USH2A: variants seen among roughly 807,000 people sequenced by gnomAD.
The protein encoded by USH2A is usherin.
In USH2A, 443 loss-of-function variants were observed where a neutral mutation model predicts 538.9. The observed-to-expected ratio is 0.82, with a 90% CI of 0.76 to 0.89. The LOEUF (loss-of-function observed/expected upper bound fraction) is 0.89, where lower values mean the gene tolerates loss of function less well. Among genes scored for constraint, USH2A ranks in the 40% least tolerant of loss-of-function variants. The pLI is 0.00. For synonymous variants in USH2A, 2,413 were observed against 2,273.5 expected (o/e 1.06, Z -1.75); for missense variants, 6,633 against 6,324.8 (o/e 1.05, Z -1.65).
intron 21 of USH2A, among the ~76,000 whole-genome samples, chr1:216,122,633 G>T (rs1200790959): frequency 2.0e-5 from 3 of 152,184 alleles, no homozygotes; most frequent in Non-Finnish European, 4.4e-5. Flanking sequence ...TTGGGAAGGT[G>T]CTAGGAGGCT....
intron 30 of USH2A, among the ~76,000 whole-genome samples, chr1:216,069,100 T>C (rs921309671): frequency 6.6e-6 from 1 of 151,976 alleles, no homozygotes; most frequent in Non-Finnish European, 1.5e-5. Context: ...CATCTGAAAG[T>C]GGGGTTGAGC....
At chr1:215,721,394 A>C (rs1659657032) in intron 61 of USH2A, among the ~76,000 whole-genome samples, 2 of 152,088 alleles carry the variant, frequency 1.3e-5, no homozygotes, top group Admixed American at 1.3e-4. Context: ...GTTTTTAAAA[A>C]ACACTTGGAA....
intron 9 of USH2A, among the ~76,000 whole-genome samples, chr1:216,319,049 A>G (rs11801737): frequency 0.27 from 41,581 of 152,076 alleles, 5,929 homozygotes; most frequent in Middle Eastern, 0.38. Flanking sequence ...AAGCTCAGAA[A>G]AGAACATATC....
chr1:215,924,341 T>C (rs562031616), intron 38 of USH2A, among the ~76,000 whole-genome samples: 1 of 152,206 alleles, frequency 6.6e-6, no homozygotes, highest in Admixed American at 6.6e-5. Context: ...AGGGATTTTC[T>C]TGATGCTGCT....
intron 37 of USH2A, among the ~76,000 whole-genome samples, chr1:215,942,745 C>G (rs759279976): frequency 9.2e-5 from 14 of 152,120 alleles, no homozygotes; most frequent in Non-Finnish European, 1.6e-4. Context: ...TAGCGCAGCT[C>G]CTAACTTTGT....
chr1:215,752,120 T>A (rs180869606), intron 58 of USH2A, among the ~76,000 whole-genome samples: 121 of 152,288 alleles, frequency 7.9e-4, no homozygotes, highest in Middle Eastern at 3.4e-3. Context: ...TATGTCTCTG[T>A]TTAAGATTAA....
chr1:216,419,445 G>A (rs1471267385), intron 2 of USH2A, among the ~76,000 whole-genome samples: 1 of 152,070 alleles, frequency 6.6e-6, no homozygotes, highest in African/African-American at 2.4e-5. Flanking sequence ...TTATTAGAGT[G>A]ACACACCTTT....
chr1:215,725,487 C>T (rs11807741), intron 61 of USH2A, among the ~76,000 whole-genome samples: 6,150 of 152,222 alleles, frequency 0.04, 376 homozygotes, highest in African/African-American at 0.13. Flanking sequence ...AAGGTCTGAA[C>T]ACTTGCCTAG....
At chr1:215,735,529 T>A (rs1011731991) in intron 60 of USH2A, among the ~76,000 whole-genome samples, 10 of 152,170 alleles carry the variant, frequency 6.6e-5, no homozygotes, top group Non-Finnish European at 1.0e-4. Context: ...GGCTCACAAA[T>A]TTATTATTTT....
At chr1:216,009,621 G>C (rs918687249) in intron 32 of USH2A, among the ~76,000 whole-genome samples, 1 of 151,888 alleles carries the variant, frequency 6.6e-6, no homozygotes, top group Non-Finnish European at 1.5e-5. Context: ...GCGTCCAAGC[G>C]TGGCTGAGTC....
intron 20 of USH2A, among the ~76,000 whole-genome samples, chr1:216,187,937 AT>A (rs561070887): frequency 6.6e-6 from 1 of 151,874 alleles, no homozygotes; most frequent in Non-Finnish European, 1.5e-5. Context: ...TTGGCTAACC[AT>A]TTTTTTCCCC....
At chr1:216,135,164 T>A (rs61826895) in intron 21 of USH2A, among the ~76,000 whole-genome samples, 3,995 of 62,182 alleles carry the variant, frequency 0.064, 84 homozygotes, top group South Asian at 0.14. Context: ...TCTCTCTCTC[T>A]CTCACACACA....
chr1:216,284,415 A>G lies in USH2A; in HGVS notation c.1971+4865T>C, dbSNP rs368371317. ...CTTGGCACTTCTCCTTGCTGTCACCATGTGAAGAAGGATGTGTTTGTTTCC... is the reference window on the plus strand; with the variant it reads ...CTTGGCACTTCTCCTTGCTGTCACCGTGTGAAGAAGGATGTGTTTGTTTCC... On this transcript the variant is annotated intron_variant, in intron 11 of 71. Coordinates refer to ENST00000307340, the MANE Select transcript of USH2A (RefSeq NM_206933.4). Among the ~76,000 whole-genome samples the G allele has an allele frequency of 9.2e-5, 14 of 152,224 alleles. No homozygotes were observed. In the East Asian group the frequency reaches 2.5e-3, roughly 27 times the overall value.
At chr1:216,306,313 C>G (rs1041243395) in intron 9 of USH2A, among the ~76,000 whole-genome samples, 1 of 151,936 alleles carries the variant, frequency 6.6e-6, no homozygotes, top group African/African-American at 2.4e-5. Context: ...TAAGACTTTC[C>G]AGTGTATTTT....
At position 215,813,913 on chromosome 1, in the gene USH2A, T is replaced by A. The variant is rs767149705; in HGVS notation, c.9571-9A>T. 6.2e-7 allele frequency: 1 copy of A among 1,613,506 alleles called. No homozygotes were observed. The highest frequency in any genetic ancestry group is 8.5e-7 in the Non-Finnish European group (1 of 1,179,628). On this transcript the variant is annotated splice_polypyrimidine_tract_variant and intron_variant, in intron 48 of 71. Coordinates refer to ENST00000307340, the MANE Select transcript of USH2A (RefSeq NM_206933.4). Reference sequence around the variant, plus strand: ...ACTCCGTTACAACAAACCTGAAAGTTTGAAAACAGTTTTAAAGAAATATCA... The same window carrying A: ...ACTCCGTTACAACAAACCTGAAAGTATGAAAACAGTTTTAAAGAAATATCA...
chr1:216,304,527 C>A (rs1361176841), intron 9 of USH2A, among the ~76,000 whole-genome samples: 2 of 151,822 alleles, frequency 1.3e-5, no homozygotes, highest in Admixed American at 6.6e-5. Flanking sequence ...TCTCAGCATA[C>A]TTTTTTTAAT....
chr1:215,781,631 G>T (rs988056644), intron 54 of USH2A, among the ~76,000 whole-genome samples: 1 of 152,082 alleles, frequency 6.6e-6, no homozygotes, highest in Non-Finnish European at 1.5e-5. Context: ...TTCCGTGCCA[G>T]GCTTTTTTGC....
At chr1:216,248,327 A>G (rs1436658306) in intron 12 of USH2A, among the ~76,000 whole-genome samples, 2 of 152,158 alleles carry the variant, frequency 1.3e-5, no homozygotes, top group Non-Finnish European at 2.9e-5. Flanking sequence ...TAAAAAAATT[A>G]GAATAGTAAA....
chr1:216,323,391 C>T (rs2037656256), intron 8 of USH2A, 83 bp downstream of exon 8: 1 of 1,369,284 alleles, frequency 7.3e-7, no homozygotes, highest in African/African-American at 1.4e-5. Context: ...AGCTTGAAAT[C>T]TGGCTTGCTC....
Sources: gnomAD v4.1 joint callset for allele counts (sites outside exome capture counted in the v4.1 genomes callset) on GRCh38, gnomAD v4.1.1 for gene constraint, MANE v1.5 for transcripts, NCBI Gene and HGNC (gene_info 2026-07-23, HGNC 2026-07-21) for gene names.